PHF20: variants seen among roughly 807,000 people sequenced by gnomAD.
PHF20 encodes the protein glioma-expressed antigen 2.
Under a neutral mutation model 113.5 loss-of-function variants are expected in PHF20, and 23 were observed. The observed-to-expected ratio is 0.20, with a 90% CI of 0.15 to 0.29. The LOEUF is 0.29. Among genes scored for constraint, PHF20 ranks in the 10% least tolerant of loss-of-function variants. The pLI is 1.00. For missense variants in PHF20, 943 were observed against 1,219.6 expected (o/e 0.77, Z 3.38); for synonymous variants, 434 against 457.3 (o/e 0.95, Z 0.65).
At chr20:35,844,417 G>GTTTTTTTTTTTTT (rs1491291994) in intron 3 of PHF20, among the ~76,000 whole-genome samples, 1 of 127,752 alleles carries the variant, frequency 7.8e-6, no homozygotes, top group African/African-American at 3.2e-5. Context: ...TTTTTTTTTG[G>GTTTTTTTTTTTTT]TTTTTTTTTT....
intron 4 of PHF20, among the ~76,000 whole-genome samples, 177 bp downstream of exon 4, chr20:35,847,611 T>C (rs2042646392): frequency 6.6e-6 from 1 of 152,136 alleles, no homozygotes; most frequent in Admixed American, 6.6e-5. Context: ...TAAAGAAAAC[T>C]GGACAAAAAA....
At chr20:35,796,905 C>T (rs746665497) in intron 1 of PHF20, among the ~76,000 whole-genome samples, 2 of 152,110 alleles carry the variant, frequency 1.3e-5, no homozygotes, top group Non-Finnish European at 2.9e-5. Flanking sequence ...TACTTGTATA[C>T]CATGGTAACA....
At chr20:35,774,242 G>A (rs1258277404) in intron 1 of PHF20, among the ~76,000 whole-genome samples, 1 of 151,774 alleles carries the variant, frequency 6.6e-6, no homozygotes, top group Non-Finnish European at 1.5e-5. Context: ...ACCACACCGC[G>A]CCCGTCTAAT....
At chr20:35,880,898 T>G (rs1380643035) in intron 9 of PHF20, among the ~76,000 whole-genome samples, 5 of 152,096 alleles carry the variant, frequency 3.3e-5, no homozygotes, top group African/African-American at 1.2e-4. Context: ...AGGCGGAGAT[T>G]GCAGTGAGCC....
intron 10 of PHF20, among the ~76,000 whole-genome samples, chr20:35,904,767 C>CTCCCTTCCTTCCTTCCTTCCT (rs1555799926): frequency 8.0e-6 from 1 of 125,614 alleles, no homozygotes; most frequent in African/African-American, 3.4e-5. Context: ...GATTTCTTTT[C>CTCCCTTCCTTCCTTCCTTCCT]TCCTTCCTTC....
At position 35,879,404 on chromosome 20, in the gene PHF20, A is replaced by C. The variant is rs138268480; in HGVS notation, c.1282+7575A>C. ...TTTTTGCTGTTGTTATATTAGAATAATTTTTGAATGTCATCTTGAAATAGA... is the reference window on the plus strand; with the variant it reads ...TTTTTGCTGTTGTTATATTAGAATACTTTTTGAATGTCATCTTGAAATAGA... On this transcript the variant is annotated intron_variant, in intron 9 of 17. Coordinates refer to ENST00000374012, the MANE Select transcript of PHF20 (RefSeq NM_016436.5). 4.3e-3 allele frequency among the ~76,000 whole-genome samples: 658 copies of C among 152,294 alleles called. 4 individuals carry two copies. Among genetic ancestry groups the C allele is most frequent in the African/African-American group, 0.015 (610 of 41,556 alleles).
intron 4 of PHF20, among the ~76,000 whole-genome samples, chr20:35,854,777 C>T (rs1262785565): frequency 6.6e-6 from 1 of 151,968 alleles, no homozygotes; most frequent in Non-Finnish European, 1.5e-5. Context: ...ATAGGCAGTG[C>T]GGGGTGGTGG....
intron 2 of PHF20, among the ~76,000 whole-genome samples, chr20:35,829,220 G>GTAAA (rs1429041974): frequency 6.6e-6 from 1 of 152,154 alleles, no homozygotes; most frequent in African/African-American, 2.4e-5. Flanking sequence ...TATGCTTGTG[G>GTAAA]TAAAATACAT....
At position 35,903,048 on chromosome 20, in the gene PHF20, G is replaced by GTTTCCTTTCCTTTCCTTTCCTTTCC. The variant is rs142226239; in HGVS notation, c.1561+3421_1561+3422insTTCCTTTCCTTTCCTTTCCTTTCCT. 1.2e-3 allele frequency among the ~76,000 whole-genome samples: 105 copies of GTTTCCTTTCCTTTCCTTTCCTTTCC among 85,312 alleles called. 1 individual carries two copies. The highest frequency in any genetic ancestry group is 9.9e-3 in the East Asian group (31 of 3,140). The allele number at this position is 85,312 out of a possible 152,430, so 56.0% of individuals were successfully genotyped here. A position where few individuals can be genotyped will look rare whatever the true frequency, so the allele number is the denominator to read the frequency against. ...TTTTTTTTTTTTTTGAGTGATTTTC[G>GTTTCCTTTCCTTTCCTTTCCTTTCC]TTTCCTTTCCTTTCCTTTCCTATCC... On this transcript the variant is annotated intron_variant, in intron 10 of 17. Coordinates refer to ENST00000374012, the MANE Select transcript of PHF20 (RefSeq NM_016436.5).
At chr20:35,818,399 T>G (rs2146896513) in intron 2 of PHF20, among the ~76,000 whole-genome samples, 1 of 152,328 alleles carries the variant, frequency 6.6e-6, no homozygotes, top group South Asian at 2.1e-4. Context: ...TAGCTGGGAC[T>G]ACAGGCATGT....
chr20:35,808,414 A>C (rs1024934096), intron 2 of PHF20, among the ~76,000 whole-genome samples: 1 of 151,712 alleles, frequency 6.6e-6, no homozygotes, highest in Non-Finnish European at 1.5e-5. Flanking sequence ...TCATAGGATC[A>C]TAGTAGATGT....
chr20:35,844,213 C>A (rs982435148), intron 3 of PHF20, among the ~76,000 whole-genome samples: 3 of 151,842 alleles, frequency 2.0e-5, no homozygotes, highest in African/African-American at 7.3e-5. Flanking sequence ...AGCGATTCCC[C>A]TGCCTTATCC....
intron 10 of PHF20, among the ~76,000 whole-genome samples, chr20:35,902,841 T>C (rs1307551623): frequency 5.3e-5 from 8 of 152,156 alleles, no homozygotes; most frequent in Admixed American, 5.2e-4. Context: ...GTAAAATGTC[T>C]GGCCTATAAT....
At chr20:35,839,624 C>T (rs1425134480) in intron 2 of PHF20, among the ~76,000 whole-genome samples, 1 of 152,132 alleles carries the variant, frequency 6.6e-6, no homozygotes, top group African/African-American at 2.4e-5. Flanking sequence ...GACAATTAGC[C>T]AGTCTGTTGT....
intron 5 of PHF20, among the ~76,000 whole-genome samples, chr20:35,861,517 T>A (rs1228850848): frequency 6.6e-6 from 1 of 152,360 alleles, no homozygotes; most frequent in African/African-American, 2.4e-5. Flanking sequence ...AGCTATGTAG[T>A]ATTCTGTAAT....
intron 2 of PHF20, among the ~76,000 whole-genome samples, chr20:35,836,544 GT>G (rs1568631025): frequency 6.6e-6 from 1 of 151,608 alleles, no homozygotes; most frequent in Non-Finnish European, 1.5e-5. Context: ...CTTTAAAAAA[GT>G]TTTTTAAACT....
chr20:35,834,777 T>C (rs1366774939), intron 2 of PHF20, among the ~76,000 whole-genome samples: 1 of 152,222 alleles, frequency 6.6e-6, no homozygotes, highest in Non-Finnish European at 1.5e-5. Context: ...ATGAAGTTCA[T>C]AGGGCATAGT....
At chr20:35,941,358 T>C (rs939909113) in intron 17 of PHF20, among the ~76,000 whole-genome samples, 3 of 152,252 alleles carry the variant, frequency 2.0e-5, no homozygotes, top group African/African-American at 7.2e-5. Flanking sequence ...AGCCAATCTT[T>C]ACAAACAAGT....
intron 2 of PHF20, among the ~76,000 whole-genome samples, chr20:35,807,016 C>G (rs1410618276): frequency 2.6e-5 from 4 of 151,706 alleles, no homozygotes; most frequent in Non-Finnish European, 5.9e-5. Context: ...AGGATGGTCT[C>G]GATCTCCTGA....
Sources: gnomAD v4.1 joint callset for allele counts (sites outside exome capture counted in the v4.1 genomes callset) on GRCh38, gnomAD v4.1.1 for gene constraint, MANE v1.5 for transcripts, NCBI Gene and HGNC (gene_info 2026-07-23, HGNC 2026-07-21) for gene names.